The following MMP26 variants were observed in gnomAD, a reference collection of about 807,000 sequenced individuals.
MMP26 encodes matrix metallopeptidase 26.
In MMP26, 33 loss-of-function variants were observed where a neutral mutation model predicts 31.0. That is an observed-to-expected ratio of 1.06 (90% CI 0.81 to 1.42). MMP26 has a LOEUF of 1.42. MMP26 is among the 40% of genes most tolerant of loss of function. The pLI is 0.00. For missense variants in MMP26, 347 were observed against 316.1 expected (o/e 1.10, Z -0.74); for synonymous variants, 122 against 114.9 (o/e 1.06, Z -0.40).
chr11:4,907,426 A>T, intron 2 of MMP26: 1 of 1,613,886 alleles, frequency 6.2e-7, no homozygotes, highest in Non-Finnish European at 8.5e-7. Context: ...GGATCCCAGG[A>T]CTGGAACATG....
chr11:4,736,456 G>A (rs1564897855), intron 1 of MMP26: 1 of 152,132 alleles, frequency 6.6e-6, no homozygotes, highest in Non-Finnish European at 1.5e-5. Flanking sequence ...TAGGAGAGAA[G>A]AATAAAGATG....
At chr11:4,822,235 C>A in intron 2 of MMP26, 2 of 1,578,010 alleles carry the variant, frequency 1.3e-6, no homozygotes, top group East Asian at 2.2e-5. Flanking sequence ...TTCAGCACCT[C>A]CATTTGTCCA....
intron 1 of MMP26, chr11:4,751,983 G>C (rs1206827515): frequency 6.6e-6 from 1 of 152,070 alleles, no homozygotes; most frequent in Non-Finnish European, 1.5e-5. Flanking sequence ...TCCAATTTGT[G>C]GTAAATTTTC....
intron 2 of MMP26, among the ~76,000 whole-genome samples, chr11:4,853,590 A>T (rs974241900): frequency 6.6e-6 from 1 of 152,156 alleles, no homozygotes; most frequent in South Asian, 2.1e-4. Flanking sequence ...TATAAAACTG[A>T]CTCAAGAAGA....
intron 2 of MMP26, chr11:4,803,515 A>G (rs1849212282): frequency 6.2e-7 from 1 of 1,614,098 alleles, no homozygotes; most frequent in Non-Finnish European, 8.5e-7. Flanking sequence ...GGGGTTGAGC[A>G]TGGGAGGTAT....
At chr11:4,724,668 GAGGTGGT>G (rs1178460841) in intron 1 of MMP26, among the ~76,000 whole-genome samples, 1 of 152,216 alleles carries the variant, frequency 6.6e-6, no homozygotes, top group African/African-American at 2.4e-5. Context: ...AAAGGGATAT[GAGGTGGT>G]AGGAGAAAGT....
At chr11:4,872,380 A>C (rs531127582) in intron 2 of MMP26, among the ~76,000 whole-genome samples, 2 of 152,134 alleles carry the variant, frequency 1.3e-5, no homozygotes, top group South Asian at 4.1e-4. Context: ...TCTCCTTTTC[A>C]TTAAAATAGA....
intron 2 of MMP26, among the ~76,000 whole-genome samples, chr11:4,980,486 T>A (rs1206715538): frequency 1.3e-5 from 2 of 151,854 alleles, no homozygotes; most frequent in African/African-American, 4.8e-5. Context: ...AATATAGGGA[T>A]GGAAAACAAA....
At chr11:4,959,107 G>A (rs1029788859) in intron 2 of MMP26, among the ~76,000 whole-genome samples, 15 of 151,772 alleles carry the variant, frequency 9.9e-5, no homozygotes, top group South Asian at 2.1e-4. Context: ...GCGTGGTGGC[G>A]GGCGCCTGTA....
chr11:4,848,809 T>C, intron 2 of MMP26: 1 of 1,614,108 alleles, frequency 6.2e-7, no homozygotes, highest in African/African-American at 1.3e-5. Context: ...GGTCGGCAGA[T>C]GGCCAGTGCC....
chr11:4,898,326 CTTATT>C (rs1850744316), intron 2 of MMP26, among the ~76,000 whole-genome samples: 1 of 151,926 alleles, frequency 6.6e-6, no homozygotes, highest in Admixed American at 6.6e-5. Flanking sequence ...TTTTTCCCCT[CTTATT>C]TTATTATTTC....
chr11:4,861,639 A>G (rs1023990892), intron 2 of MMP26, among the ~76,000 whole-genome samples: 2 of 152,062 alleles, frequency 1.3e-5, no homozygotes. Context: ...ATAATTTTCC[A>G]TAGTCTTATT....
chr11:4,959,104 G>A (rs543002466), intron 2 of MMP26, among the ~76,000 whole-genome samples: 5 of 152,094 alleles, frequency 3.3e-5, no homozygotes, highest in Admixed American at 2.0e-4. Flanking sequence ...CGGGCGTGGT[G>A]GCGGGCGCCT....
At chr11:4,989,943 G>A (rs1589826039) in intron 4 of MMP26, 75 bp downstream of exon 4, 3 of 1,213,990 alleles carry the variant, frequency 2.5e-6, no homozygotes, top group East Asian at 5.0e-5. Flanking sequence ...GTCTCTCCTG[G>A]AGGTACCTCT....
chr11:4,915,358 G>T (rs755400528), intron 2 of MMP26: 2 of 1,614,040 alleles, frequency 1.2e-6, no homozygotes, highest in Non-Finnish European at 8.5e-7. Context: ...GCTGAGCAAA[G>T]CAGGCATCAT....
At chr11:4,825,427 T>C (rs1461289226) in intron 2 of MMP26, among the ~76,000 whole-genome samples, 1 of 152,134 alleles carries the variant, frequency 6.6e-6, no homozygotes, top group Non-Finnish European at 1.5e-5. Flanking sequence ...GTATAATCTA[T>C]GTCTGAATGA....
At chr11:4,796,468 G>A (rs1849109574) in intron 2 of MMP26, among the ~76,000 whole-genome samples, 1 of 152,216 alleles carries the variant, frequency 6.6e-6, no homozygotes, top group Non-Finnish European at 1.5e-5. Context: ...ACTAAGTCCA[G>A]TGGTTAGAGT....
intron 2 of MMP26, among the ~76,000 whole-genome samples, chr11:4,813,426 G>A (rs990464765): frequency 1.3e-5 from 2 of 151,424 alleles, no homozygotes; most frequent in African/African-American, 2.4e-5. Context: ...GTCTTGCTAT[G>A]TTGCCCAGCT....
At chr11:4,925,771 C>CAA (rs11441973) in intron 2 of MMP26, among the ~76,000 whole-genome samples, 10,488 of 142,036 alleles carry the variant, frequency 0.074, 398 homozygotes, top group Middle Eastern at 0.13. Context: ...CTGTTAACTA[C>CAA]AAAAAAAAAA....
Sources: gnomAD v4.1 joint callset for allele counts (sites outside exome capture counted in the v4.1 genomes callset) on GRCh38, gnomAD v4.1.1 for gene constraint, MANE v1.5 for transcripts, NCBI Gene and HGNC (gene_info 2026-07-23, HGNC 2026-07-21) for gene names.